Variants in PTPRD observed in about 807,000 individuals in gnomAD.
The protein encoded by PTPRD is protein tyrosine phosphatase receptor type D.
PTPRD carries 34 observed loss-of-function variants against 214.5 expected under a neutral mutation model. That is an observed-to-expected ratio of 0.16 (90% CI 0.12 to 0.21). The LOEUF (loss-of-function observed/expected upper bound fraction) is 0.21. PTPRD is among the 10% of genes least tolerant of loss of function. The pLI is 1.00. For synonymous variants in PTPRD, 1,128 were observed against 845.7 expected (o/e 1.33, Z -5.79); for missense variants, 2,545 against 2,398.7 (o/e 1.06, Z -1.27).
intron 12 of PTPRD, among the ~76,000 whole-genome samples, chr9:8,683,532 C>A (rs1187625087): frequency 6.6e-6 from 1 of 152,138 alleles, no homozygotes; most frequent in African/African-American, 2.4e-5. Context: ...CAGAACCCAC[C>A]TCCTCTATAT....
chr9:9,993,427 A>G (rs2096016599), intron 4 of PTPRD, among the ~76,000 whole-genome samples: 1 of 152,198 alleles, frequency 6.6e-6, no homozygotes, highest in African/African-American at 2.4e-5. Context: ...AGTTAAAGGG[A>G]TAAGTAGTGG....
chr9:10,463,110 T>A (rs1392341904), intron 2 of PTPRD, among the ~76,000 whole-genome samples: 1 of 151,956 alleles, frequency 6.6e-6, no homozygotes, highest in East Asian at 1.9e-4. Flanking sequence ...GCCTACTATA[T>A]GTTGAGTTGA....
At chr9:8,566,042 C>G (rs2088925540) in intron 14 of PTPRD, among the ~76,000 whole-genome samples, 1 of 150,576 alleles carries the variant, frequency 6.6e-6, no homozygotes, top group Non-Finnish European at 1.5e-5. Context: ...AACAAAATCA[C>G]CAGTGGAACA....
At chr9:10,323,178 CTTTT>C (rs1284285091) in intron 3 of PTPRD, among the ~76,000 whole-genome samples, 1 of 149,292 alleles carries the variant, frequency 6.7e-6, no homozygotes, top group East Asian at 2.0e-4. Context: ...TTCTCTCTTT[CTTTT>C]CTTTTTCTTT....
chr9:9,476,953 T>C (rs998627264), intron 8 of PTPRD, among the ~76,000 whole-genome samples: 3 of 152,110 alleles, frequency 2.0e-5, no homozygotes, highest in African/African-American at 7.2e-5. Flanking sequence ...CAGGGTAGTC[T>C]CGAACTCCCA....
intron 4 of PTPRD, among the ~76,000 whole-genome samples, chr9:10,008,392 A>G (rs1008779929): frequency 6.6e-6 from 1 of 151,942 alleles, no homozygotes; most frequent in African/African-American, 2.4e-5. Flanking sequence ...GCTGTGTCTG[A>G]CTTAAGAGTC....
intron 8 of PTPRD, among the ~76,000 whole-genome samples, chr9:9,493,843 G>A (rs2096044106): frequency 6.6e-6 from 1 of 151,276 alleles, no homozygotes; most frequent in Non-Finnish European, 1.5e-5. Flanking sequence ...ATTTTGTAAG[G>A]TTATATCTAT....
chr9:9,937,075 T>C (rs1020453713), intron 5 of PTPRD, among the ~76,000 whole-genome samples: 1 of 151,852 alleles, frequency 6.6e-6, no homozygotes, highest in South Asian at 2.1e-4. Context: ...GGGACTGTTG[T>C]TGGGTTGGGG....
At chr9:9,323,465 G>A (rs985238417) in intron 9 of PTPRD, among the ~76,000 whole-genome samples, 4 of 152,098 alleles carry the variant, frequency 2.6e-5, no homozygotes, top group African/African-American at 9.7e-5. Context: ...AATATAATCT[G>A]ATGTCGACCA....
intron 8 of PTPRD, among the ~76,000 whole-genome samples, chr9:9,461,443 C>A (rs1353928470): frequency 1.3e-5 from 2 of 151,704 alleles, no homozygotes; most frequent in African/African-American, 2.4e-5. Context: ...AGTCAAGTAG[C>A]CCAGGGAGAA....
At chr9:10,013,959 C>A (rs1043770693) in intron 4 of PTPRD, among the ~76,000 whole-genome samples, 7 of 151,788 alleles carry the variant, frequency 4.6e-5, no homozygotes, top group Admixed American at 1.3e-4. Context: ...AAACAAAGGA[C>A]AAATCTGTAA....
chr9:8,755,102 G>C (rs902892527), intron 11 of PTPRD, among the ~76,000 whole-genome samples: 5 of 151,934 alleles, frequency 3.3e-5, no homozygotes, highest in African/African-American at 1.2e-4. Flanking sequence ...TATACTGCTG[G>C]TTAGAGTGCC....
chr9:8,727,824 T>A (rs924267563), intron 12 of PTPRD, among the ~76,000 whole-genome samples: 36 of 152,306 alleles, frequency 2.4e-4, no homozygotes, highest in African/African-American at 8.4e-4. Flanking sequence ...GGCTGTTTTT[T>A]TTCCTTGTTT....
At chr9:8,948,543 TTATATATATTTA>T (rs1567184856) in intron 11 of PTPRD, among the ~76,000 whole-genome samples, 1 of 31,160 alleles carries the variant, frequency 3.2e-5, no homozygotes, top group Non-Finnish European at 7.5e-5. Flanking sequence ...ATATATATAT[TTATATATATTTA>T]TATATATTTA....
At chr9:9,846,208 C>G (rs372218014) in intron 5 of PTPRD, among the ~76,000 whole-genome samples, 3 of 152,178 alleles carry the variant, frequency 2.0e-5, no homozygotes, top group Admixed American at 6.6e-5. Flanking sequence ...CAAATCACCC[C>G]TAGATTGTAG....
chr9:8,730,281 T>C (rs546151081), intron 12 of PTPRD, among the ~76,000 whole-genome samples: 8 of 151,784 alleles, frequency 5.3e-5, no homozygotes, highest in African/African-American at 1.4e-4. Flanking sequence ...AAGAAAGAAA[T>C]ATTGCGAGTA....
chr9:10,539,891 G>C (rs2757871), intron 2 of PTPRD, among the ~76,000 whole-genome samples: 143,882 of 152,236 alleles, frequency 0.95, 68,125 homozygotes, highest in Non-Finnish European at 0.98. Flanking sequence ...CCCATCTTGC[G>C]TCTGTGGTGT....
At chr9:9,275,199 TTATATATATATA>T (rs1188297359) in intron 9 of PTPRD, among the ~76,000 whole-genome samples, 1 of 10,394 alleles carries the variant, frequency 9.6e-5, no homozygotes, top group African/African-American at 2.4e-4. Context: ...TATATATATA[TTATATATATATA>T]TATATAACCA....
chr9:9,674,648 T>C (rs772334408), intron 7 of PTPRD, among the ~76,000 whole-genome samples: 1 of 151,792 alleles, frequency 6.6e-6, no homozygotes, highest in East Asian at 1.9e-4. Context: ...CTTGAAATGC[T>C]AACTAAGCGA....
Sources: allele counts gnomAD v4.1 joint callset (sites outside exome capture counted in the v4.1 genomes callset), GRCh38; gene constraint gnomAD v4.1.1; transcripts MANE v1.5; gene names NCBI Gene and HGNC (gene_info 2026-07-23, HGNC 2026-07-21).